GREM2: variants seen among roughly 807,000 people sequenced by gnomAD.
GREM2 encodes the protein gremlin-2.
GREM2 carries 11 observed loss-of-function variants against 14.2 expected under a neutral mutation model. The ratio of observed to expected loss-of-function variants is 0.78; its 90% confidence interval spans 0.49 to 1.28. GREM2 has a LOEUF of 1.28. GREM2 is among the 50% of genes most tolerant of loss of function. The pLI is 0.00. For synonymous variants in GREM2, 98 were observed against 97.6 expected (o/e 1.00, Z -0.02); for missense variants, 210 against 218.5 (o/e 0.96, Z 0.24).
chr1:240,594,152 C>A (rs1679768624), intron 1 of GREM2, among the ~76,000 whole-genome samples: 1 of 151,982 alleles, frequency 6.6e-6, no homozygotes, highest in Non-Finnish European at 1.5e-5. Context: ...TCGGGTCTTG[C>A]CAAGTTTCCC....
chr1:240,492,906 G>C lies in GREM2; in HGVS notation c.*63C>G, dbSNP rs1340297450. 1 of 1,326,294 alleles carries C rather than the reference G, an allele frequency of 7.5e-7. No homozygotes were observed. Among genetic ancestry groups the C allele is most frequent in the Non-Finnish European group, 9.7e-7 (1 of 1,034,796 alleles). The allele number at this position is 1,326,294 out of a possible 1,614,324, so 82.2% of individuals were successfully genotyped here. The stretch of plus-strand genomic sequence containing the variant: ...AGTGGGCTCGGAGGGCAGGGACAGA[G>C]GCGGCGGCGGCGCCACCCAGCGGCC... On this transcript the variant is annotated 3_prime_UTR_variant, in exon 2 of 2. Transcript: ENST00000318160.
chr1:240,544,960 T>G (rs1178962877), intron 1 of GREM2, among the ~76,000 whole-genome samples: 4 of 152,202 alleles, frequency 2.6e-5, no homozygotes, highest in Admixed American at 2.0e-4. Context: ...CAAATGTTAT[T>G]GTGATATTGT....
At chr1:240,508,333 T>C (rs1677726999) in intron 1 of GREM2, among the ~76,000 whole-genome samples, 1 of 152,212 alleles carries the variant, frequency 6.6e-6, no homozygotes, top group Non-Finnish European at 1.5e-5. Context: ...ATAACTGATA[T>C]TTGAGAAGGG....
intron 1 of GREM2, among the ~76,000 whole-genome samples, chr1:240,516,009 G>A (rs1474483940): frequency 6.6e-6 from 1 of 152,088 alleles, no homozygotes; most frequent in Non-Finnish European, 1.5e-5. Flanking sequence ...ATGAGAAAGA[G>A]CTAAGCCTTT....
At chr1:240,534,154 A>G (rs1454095119) in intron 1 of GREM2, among the ~76,000 whole-genome samples, 1 of 152,212 alleles carries the variant, frequency 6.6e-6, no homozygotes, top group Non-Finnish European at 1.5e-5. Context: ...GAAAGTGCAG[A>G]TGATGGACAA....
At chr1:240,539,373 C>T (rs1678540467) in intron 1 of GREM2, among the ~76,000 whole-genome samples, 1 of 152,114 alleles carries the variant, frequency 6.6e-6, no homozygotes, top group South Asian at 2.1e-4. Flanking sequence ...ATGAGTGACC[C>T]ATCTAAAATT....
chr1:240,491,111 A>C lies in GREM2; in HGVS notation c.*1858T>G, dbSNP rs1185573931. On this transcript the variant is annotated 3_prime_UTR_variant, in exon 2 of 2. Transcript: ENST00000318160. ...CCTCTGCCACAGCACATTCTTGCTC[A>C]GGTCTCATGGTGTTGCAGAAATGAC... The C allele has an allele frequency of 1.3e-5, 2 of 152,228 alleles. No individual in the cohort carries two copies. The highest frequency in any genetic ancestry group is 2.9e-5 in the Non-Finnish European group (2 of 68,060). The allele number at this position is 152,228 out of a possible 1,614,324, so 9.4% of individuals were successfully genotyped here.
chr1:240,510,166 G>C (rs542737748), intron 1 of GREM2, among the ~76,000 whole-genome samples: 3 of 151,910 alleles, frequency 2.0e-5, no homozygotes, highest in East Asian at 3.9e-4. Flanking sequence ...TCAGGAGATT[G>C]GGACCATCCT....
intron 1 of GREM2, among the ~76,000 whole-genome samples, chr1:240,529,378 A>G (rs1251381871): frequency 1.3e-5 from 2 of 152,048 alleles, no homozygotes; most frequent in African/African-American, 4.8e-5. Flanking sequence ...ATTTGAATGA[A>G]CATAGAGGAT....
At chr1:240,569,021 T>G (rs1679215051) in intron 1 of GREM2, among the ~76,000 whole-genome samples, 1 of 152,030 alleles carries the variant, frequency 6.6e-6, no homozygotes, top group Admixed American at 6.6e-5. Context: ...TCTTCTGCAC[T>G]CCAGCCTGGG....
At chr1:240,585,631 G>A (rs917508004) in intron 1 of GREM2, among the ~76,000 whole-genome samples, 1 of 149,688 alleles carries the variant, frequency 6.7e-6, no homozygotes, top group African/African-American at 2.5e-5. Context: ...TCAGGAGGCT[G>A]AGGCAGGAGA....
intron 1 of GREM2, among the ~76,000 whole-genome samples, chr1:240,544,620 T>C (rs1678676421): frequency 6.6e-6 from 1 of 152,228 alleles, no homozygotes; most frequent in African/African-American, 2.4e-5. Context: ...TTCCTATTTA[T>C]AAGAAAAACG....
intron 1 of GREM2, among the ~76,000 whole-genome samples, chr1:240,517,099 A>G (rs1273341816): frequency 1.3e-5 from 2 of 152,212 alleles, no homozygotes; most frequent in African/African-American, 4.8e-5. Context: ...AGGCTTTCAC[A>G]ATAAATATTT....
At position 240,492,118 on chromosome 1, in the gene GREM2, T is replaced by C. The variant is rs1677266424; in HGVS notation, c.*851A>G. 5.7e-6 allele frequency: 2 copies of C among 348,238 alleles called. 1 individual carries two copies. Among genetic ancestry groups the C allele is most frequent in the Admixed American group, 5.9e-5 (2 of 34,010 alleles). The allele number at this position is 348,238 out of a possible 1,614,324, so 21.6% of individuals were successfully genotyped here. A position where few individuals can be genotyped will look rare whatever the true frequency, so the allele number is the denominator to read the frequency against. ...GTGAAATAATACATGAATAGGTCTA[T>C]AATACTTTTTAACAGCTCTTTACAA... On this transcript the variant is annotated 3_prime_UTR_variant, in exon 2 of 2. Transcript: ENST00000318160.
intron 1 of GREM2, among the ~76,000 whole-genome samples, chr1:240,584,201 A>T (rs1036051264): frequency 4.6e-5 from 7 of 152,258 alleles, no homozygotes; most frequent in South Asian, 2.1e-4. Context: ...TCTACAAAAA[A>T]TTTTTTAAAA....
chr1:240,589,572 C>T (rs1436068266), intron 1 of GREM2, among the ~76,000 whole-genome samples: 1 of 152,238 alleles, frequency 6.6e-6, no homozygotes, highest in Middle Eastern at 3.4e-3. Context: ...CTTCTACTTT[C>T]TTTGGTACCT....
intron 1 of GREM2, among the ~76,000 whole-genome samples, chr1:240,587,567 C>A (rs1467519266): frequency 6.6e-6 from 1 of 152,056 alleles, no homozygotes; most frequent in Admixed American, 6.6e-5. Context: ...AGTGATCCAC[C>A]TGCCTCAGCC....
intron 1 of GREM2, among the ~76,000 whole-genome samples, chr1:240,567,128 A>G (rs919721128): frequency 6.6e-6 from 1 of 152,250 alleles, no homozygotes; most frequent in Non-Finnish European, 1.5e-5. Flanking sequence ...TTGAAGACAT[A>G]GCAACAGAAG....
intron 1 of GREM2, among the ~76,000 whole-genome samples, chr1:240,518,676 A>C (rs1678007072): frequency 6.6e-6 from 1 of 152,214 alleles, no homozygotes; most frequent in Non-Finnish European, 1.5e-5. Context: ...ATTACATCTC[A>C]TTCAGAAACA....
Sources: allele counts gnomAD v4.1 joint callset (sites outside exome capture counted in the v4.1 genomes callset), GRCh38; gene constraint gnomAD v4.1.1; transcripts MANE v1.5; gene names NCBI Gene and HGNC (gene_info 2026-07-23, HGNC 2026-07-21).